Variants in PLA2G7 observed in about 807,000 individuals in gnomAD.
PLA2G7 encodes the protein platelet-activating factor acetylhydrolase.
A neutral mutation model predicts 49.6 loss-of-function variants in PLA2G7; 63 were observed. That is an observed-to-expected ratio of 1.27 (90% CI 1.04 to 1.57). The LOEUF (loss-of-function observed/expected upper bound fraction) is 1.57. PLA2G7 is among the 40% of genes most tolerant of loss of function. The probability of loss-of-function intolerance (pLI) is 0.00; values close to 1 mark genes in which losing one functional copy is unlikely to be tolerated. For synonymous variants in PLA2G7, 193 were observed against 169.9 expected, an observed-to-expected ratio of 1.14 and a Z score of -1.06; for missense variants, 596 against 521.2, an observed-to-expected ratio of 1.14 and a Z score of -1.40.
At chr6:46,712,957 C>G (rs1195234890) in intron 5 of PLA2G7, among the ~76,000 whole-genome samples, 1 of 152,148 alleles carries the variant, frequency 6.6e-6, no homozygotes. Context: ...TTTAATAAGT[C>G]ACAATATTTT....
Position 46,704,593 on chromosome 6 carries a change from TAAC to T in PLA2G7, c.1290_1292del (p.Met430_Leu431delinsIle). 6.3e-7 allele frequency: 1 copy of T among 1,595,258 alleles called. No homozygotes were observed. Among genetic ancestry groups the T allele is most frequent in the Non-Finnish European group, 8.6e-7 (1 of 1,162,954 alleles). On this transcript the variant is annotated inframe_deletion, in exon 12 of 12. Coordinates refer to ENST00000274793, the MANE Select transcript of PLA2G7 (RefSeq NM_005084.4). ...ATTTCTCTATTCCTGAAGAGTTCTG[TAAC>T]ATGATGTGTTGATTGGTTGTGTTAA... is the stretch of plus-strand genomic sequence containing the variant.
chr6:46,708,131 A>G lies in PLA2G7; in HGVS notation c.900T>C (p.Phe300=). Reference sequence around the variant, plus strand: ...TGGAATATACTTCATCACCCAGTGGAAACATCCATGCATCCAGGGCAATAC... The same window carrying G: ...TGGAATATACTTCATCACCCAGTGGGAACATCCATGCATCCAGGGCAATAC... ...RCGIALDAWM[F]PLGDEVYSRI... The change falls in exon 10 of 12, where the codon TTT becomes TTC. Residue 300 remains phenylalanine, a synonymous_variant. Coordinates refer to ENST00000274793, the MANE Select transcript of PLA2G7 (RefSeq NM_005084.4). The G allele has an allele frequency of 6.2e-7, 1 of 1,612,792 alleles. No individual in the cohort carries two copies. Among genetic ancestry groups the G allele is most frequent in the East Asian group, 2.2e-5 (1 of 44,808 alleles).
At chr6:46,729,635 C>T (rs1399926636) in intron 1 of PLA2G7, among the ~76,000 whole-genome samples, 2 of 152,172 alleles carry the variant, frequency 1.3e-5, no homozygotes, top group African/African-American at 4.8e-5. Context: ...GGATCTGAAC[C>T]TAGACCCGGA....
chr6:46,709,353 C>G lies in PLA2G7; in HGVS notation c.843G>C (p.Gln281His). The G allele has an allele frequency of 6.2e-7, 1 of 1,603,392 alleles. No individual in the cohort carries two copies. ...TGAATCTCTGATCTTCACTAAGAGT[C>G]TGAATAACCGTTGCTCCACCAAAAG... The part of the protein sequence containing the change: ...GHSFGGATVI[Q>H]TLSEDQRFRC... Residue 281 changes from glutamine to histidine, a missense_variant, in exon 9 of 12, where the codon CAG becomes CAC. Physicochemically the swap from Gln to His is conservative, Grantham distance 24 (BLOSUM62 0). Coordinates refer to ENST00000274793, the MANE Select transcript of PLA2G7 (RefSeq NM_005084.4).
In PLA2G7 at chr6:46,711,603, C is replaced by A; in HGVS notation, c.556G>T (p.Ala186Ser). Residue 186 changes from alanine (A) to serine (S), a missense_variant, in exon 7 of 12, where the codon GCA (alanine) becomes TCA (serine). Ala to Ser is a moderately conservative substitution (Grantham distance 99, BLOSUM62 1). Coordinates refer to ENST00000274793, the MANE Select transcript of PLA2G7 (RefSeq NM_005084.4). ...AVEHRDRSAS[A>S]TYYFKDQSAA... ...GATTGGTCCTTGAAATAGTAAGTTGCAGATGCAGATCTATCTCTATAATAC... is the reference window on the plus strand; with the variant it reads ...GATTGGTCCTTGAAATAGTAAGTTGAAGATGCAGATCTATCTCTATAATAC... The A allele has an allele frequency of 6.2e-7, 1 of 1,613,590 alleles. No homozygotes were observed.
intron 2 of PLA2G7, among the ~76,000 whole-genome samples, chr6:46,722,124 G>A (rs1395278106): frequency 6.6e-6 from 1 of 152,138 alleles, no homozygotes; most frequent in Non-Finnish European, 1.5e-5. Context: ...AAAGATGGCT[G>A]TCCCGTTTTG....
chr6:46,729,216 G>A (rs921282397), intron 1 of PLA2G7, among the ~76,000 whole-genome samples: 3 of 152,258 alleles, frequency 2.0e-5, no homozygotes, highest in African/African-American at 7.2e-5. Context: ...ATATTCTCCA[G>A]GAGGATGCAG....
chr6:46,708,056 A>T lies in PLA2G7; in HGVS notation c.975T>A (p.Pro325=), dbSNP rs1764887897. Residue 325 remains proline (P), a synonymous_variant, in exon 10 of 12, where the codon CCT becomes CCA. Transcript: ENST00000274793. ...ATTTTTTCATTTTTATGATATTAGCAGGATATTGGAAATATTCAGAGTTGA... is the reference window on the plus strand; with the variant it reads ...ATTTTTTCATTTTTATGATATTAGCTGGATATTGGAAATATTCAGAGTTGA... ...FFINSEYFQY[P]ANIIKMKKCY... is the part of the protein sequence containing the mutation. 1.3e-6 allele frequency: 2 copies of T among 1,592,732 alleles called. No individual in the cohort carries two copies. Among genetic ancestry groups the T allele is most frequent in the East Asian group, 4.5e-5 (2 of 44,720 alleles).
At chr6:46,712,424 A>G in intron 5 of PLA2G7, 87 bp from the exon 6 acceptor site, 4 of 954,046 alleles carry the variant, frequency 4.2e-6, no homozygotes, top group Non-Finnish European at 6.8e-6. Context: ...CATGGAGGCC[A>G]TTACACCCCT....
intron 2 of PLA2G7, among the ~76,000 whole-genome samples, chr6:46,722,362 G>C (rs942769532): frequency 6.6e-6 from 1 of 152,156 alleles, no homozygotes; most frequent in African/African-American, 2.4e-5. Context: ...TATGCCTGTT[G>C]AACAAGACAC....
rs1249256821 is a variant in PLA2G7 at position 46,716,285 on chromosome 6, A to C, written c.376+99T>G. 23 of 1,231,102 alleles carry C rather than the reference A, an allele frequency of 1.9e-5. No homozygotes were observed. In the Admixed American group the frequency reaches 3.9e-4, roughly 21 times the overall value. The allele number at this position is 1,231,102 out of a possible 1,614,324, so 76.3% of individuals were successfully genotyped here. ...TCATTTTAGGAGCTATTTGGACTGAAGAAAAATCTACTTTGGTCTTAACTA... is the reference window on the plus strand; with the variant it reads ...TCATTTTAGGAGCTATTTGGACTGACGAAAAATCTACTTTGGTCTTAACTA... On this transcript the variant is annotated intron_variant, in intron 4 of 11. Transcript: ENST00000274793.
In PLA2G7 at chr6:46,709,353, C is replaced by T. The variant is rs1485940283; in HGVS notation, c.843G>A (p.Gln281=). The T allele has an allele frequency of 6.2e-7, 1 of 1,603,392 alleles. No individual in the cohort carries two copies. The highest frequency in any genetic ancestry group is 8.5e-7 in the Non-Finnish European group (1 of 1,170,732). ...TGAATCTCTGATCTTCACTAAGAGT[C>T]TGAATAACCGTTGCTCCACCAAAAG... ...GHSFGGATVI[Q]TLSEDQRFRC... Residue 281 remains glutamine (Q), a synonymous_variant, in exon 9 of 12, where the codon CAG becomes CAA. Coordinates refer to ENST00000274793, the MANE Select transcript of PLA2G7 (RefSeq NM_005084.4).
At chr6:46,726,676 C>T (rs1344899528) in intron 1 of PLA2G7, among the ~76,000 whole-genome samples, 4 of 151,764 alleles carry the variant, frequency 2.6e-5, no homozygotes, top group Admixed American at 2.0e-4. Flanking sequence ...GATGGAGTCT[C>T]ACTCTGTCAC....
chr6:46,705,317 A>T lies in PLA2G7; in HGVS notation c.1041-16T>A, dbSNP rs369552496. 1 of 1,605,868 alleles carries T rather than the reference A, an allele frequency of 6.2e-7. No individual in the cohort carries two copies. The highest frequency in any genetic ancestry group is 8.5e-7 in the Non-Finnish European group (1 of 1,173,176). The stretch of plus-strand genomic sequence containing the variant: ...GACTGAACCCCTAAAAGAGAACAAG[A>T]CATTTAAAAGTCACATTGTTTGATA... On this transcript the variant is annotated splice_polypyrimidine_tract_variant and intron_variant, in intron 10 of 11. Transcript: ENST00000274793.
intron 1 of PLA2G7, among the ~76,000 whole-genome samples, chr6:46,730,208 A>C (rs1765694544): frequency 6.6e-6 from 1 of 152,234 alleles, no homozygotes. Context: ...GGAATGAGGA[A>C]TGTTTACTTT....
At chr6:46,713,942 C>A (rs1242180132) in intron 5 of PLA2G7, among the ~76,000 whole-genome samples, 1 of 152,188 alleles carries the variant, frequency 6.6e-6, no homozygotes, top group African/African-American at 2.4e-5. Context: ...AGCACTCCTT[C>A]CATTGGCCTG....
chr6:46,724,041 G>C (rs1765492095), intron 1 of PLA2G7, among the ~76,000 whole-genome samples: 1 of 152,118 alleles, frequency 6.6e-6, no homozygotes, highest in African/African-American at 2.4e-5. Context: ...TTATGGGAAT[G>C]CTCTTTGCTC....
intron 9 of PLA2G7, 125 bp from the exon 10 acceptor site, chr6:46,708,286 G>A (rs1242335342): frequency 5.3e-6 from 4 of 753,928 alleles, no homozygotes; most frequent in African/African-American, 3.4e-5. Flanking sequence ...TTATCTCATT[G>A]GAATAAAGAG....
At position 46,704,330 on chromosome 6, in the gene PLA2G7, T is replaced by G. The variant is rs200357212; in HGVS notation, c.*230A>C. 1.9e-6 allele frequency: 1 copy of G among 521,050 alleles called. No homozygotes were observed. The highest frequency in any genetic ancestry group is 3.5e-6 in the Non-Finnish European group (1 of 289,184). 32.3% of individuals were successfully genotyped at this position (521,050 alleles called of 1,614,324 possible). On this transcript the variant is annotated 3_prime_UTR_variant, in exon 12 of 12. Coordinates refer to ENST00000274793, the MANE Select transcript of PLA2G7 (RefSeq NM_005084.4). ...TTAGGCTGATATGAATATTGTATAC[T>G]GTATTCTTTCTTTACATCTAAAGGG...
Sources: allele counts gnomAD v4.1 joint callset (sites outside exome capture counted in the v4.1 genomes callset), GRCh38; gene constraint gnomAD v4.1.1; transcripts MANE v1.5; gene names NCBI Gene and HGNC (gene_info 2026-07-23, HGNC 2026-07-21).